Variants in STAG1 observed in about 807,000 individuals in gnomAD.
The protein encoded by STAG1 is STAG1 cohesin complex component.
In STAG1, 26 loss-of-function variants were observed where a neutral mutation model predicts 170.9. The ratio of observed to expected loss-of-function variants is 0.15; its 90% CI spans 0.11 to 0.21. The LOEUF (loss-of-function observed/expected upper bound fraction) is 0.21. Among genes scored for constraint, STAG1 ranks in the 10% least tolerant of loss-of-function variants. The pLI, the probability that STAG1 is intolerant of heterozygous loss-of-function variation, is 1.00. For synonymous variants in STAG1, 514 were observed against 497.7 expected, an observed-to-expected ratio of 1.03 and a Z score of -0.44; for missense variants, 964 against 1,509.5, an observed-to-expected ratio of 0.64 and a Z score of 5.99.
At chr3:136,500,178 T>A in intron 9 of STAG1, 45 bp downstream of exon 9, 1 of 1,243,138 alleles carries the variant, frequency 8.0e-7, no homozygotes, top group Middle Eastern at 2.0e-4. Flanking sequence ...AAATCAATAA[T>A]TGTTTAAGTG....
At chr3:136,464,852 G>T in intron 13 of STAG1, 29 bp downstream of exon 13, 2 of 1,557,236 alleles carry the variant, frequency 1.3e-6, no homozygotes, top group Non-Finnish European at 1.8e-6. Context: ...TAGAAAAGTA[G>T]AACCGGTTTT....
intron 1 of STAG1, among the ~76,000 whole-genome samples, chr3:136,632,503 T>C (rs952242070): frequency 1.3e-5 from 2 of 152,108 alleles, no homozygotes; most frequent in African/African-American, 4.8e-5. Flanking sequence ...ATGATAGCTG[T>C]GCATTTTGAA....
intron 22 of STAG1, among the ~76,000 whole-genome samples, chr3:136,378,992 T>A (rs775676240): frequency 6.6e-6 from 1 of 152,206 alleles, no homozygotes; most frequent in Non-Finnish European, 1.5e-5. Flanking sequence ...TTGGGGATCT[T>A]TACATCCCAA....
chr3:136,457,144 G>A (rs1239974372), intron 13 of STAG1, among the ~76,000 whole-genome samples: 1 of 152,054 alleles, frequency 6.6e-6, no homozygotes, highest in Non-Finnish European at 1.5e-5. Flanking sequence ...CATGGCCTTT[G>A]GAACAGCAAA....
chr3:136,390,466 C>A (rs2086978205), intron 22 of STAG1, among the ~76,000 whole-genome samples: 1 of 152,240 alleles, frequency 6.6e-6, no homozygotes, highest in South Asian at 2.1e-4. Flanking sequence ...TCTAGACCAG[C>A]CAATCAGGCA....
intron 21 of STAG1, among the ~76,000 whole-genome samples, chr3:136,411,829 C>T (rs1480479339): frequency 6.6e-6 from 1 of 151,802 alleles, no homozygotes; most frequent in Non-Finnish European, 1.5e-5. Context: ...GCCTGTAATC[C>T]CAGCTACTTG....
At chr3:136,385,864 G>A (rs923592053) in intron 22 of STAG1, among the ~76,000 whole-genome samples, 1 of 151,866 alleles carries the variant, frequency 6.6e-6, no homozygotes, top group Non-Finnish European at 1.5e-5. Flanking sequence ...ACCACACCTG[G>A]GCTAATTTTA....
intron 1 of STAG1, among the ~76,000 whole-genome samples, chr3:136,748,993 G>A (rs374811421): frequency 1.3e-5 from 2 of 152,162 alleles, no homozygotes; most frequent in African/African-American, 4.8e-5. Context: ...CTCCTTGTAT[G>A]TCCGGAATCT....
In STAG1 at chr3:136,737,608, C is replaced by T. The variant is rs183985334; in HGVS notation, c.-84+14587G>A. Among the ~76,000 whole-genome samples, 5 of 152,304 alleles carry T rather than the reference C, an allele frequency of 3.3e-5. No homozygotes were observed. In the East Asian group the frequency reaches 7.7e-4, roughly 23 times the overall value. On this transcript the variant is annotated intron_variant, in intron 1 of 33. Transcript: ENST00000383202. ...GCCTTTTTCACCATACTACCTCTTG[C>T]TTCCTGGCTTTCAGTTAATGATACC... is the stretch of plus-strand genomic sequence containing the variant.
intron 1 of STAG1, among the ~76,000 whole-genome samples, chr3:136,721,182 C>CA: frequency 6.6e-6 from 1 of 151,688 alleles, no homozygotes; most frequent in Non-Finnish European, 1.5e-5. Context: ...AGAAAGTCTT[C>CA]AAAAAAGATA....
At chr3:136,514,062 G>C (rs1695351472) in intron 7 of STAG1, among the ~76,000 whole-genome samples, 1 of 152,086 alleles carries the variant, frequency 6.6e-6, no homozygotes, top group South Asian at 2.1e-4. Flanking sequence ...CCATTATAGA[G>C]AATTTTTATT....
At position 136,716,088 on chromosome 3, in the gene STAG1, A is replaced by C. The variant is rs955173825; in HGVS notation, c.-84+36107T>G. 2.9e-4 allele frequency among the ~76,000 whole-genome samples: 44 copies of C among 152,096 alleles called. 1 individual carries two copies. Among genetic ancestry groups the C allele is most frequent in the African/African-American group, 1.0e-3 (43 of 41,492 alleles). Reference sequence around the variant, plus strand: ...ACTCCAGTGTGGGCGACACAGAGAGACTTCATCTCAAAAAATAATAATAAA... The same window carrying C: ...ACTCCAGTGTGGGCGACACAGAGAGCCTTCATCTCAAAAAATAATAATAAA... On this transcript the variant is annotated intron_variant, in intron 1 of 33. Coordinates refer to ENST00000383202, the MANE Select transcript of STAG1 (RefSeq NM_005862.3).
At position 136,464,863 on chromosome 3, in the gene STAG1, C is replaced by T. The variant is rs148159636; in HGVS notation, c.1313+18G>A. On this transcript the variant is annotated intron_variant, in intron 13 of 33. Coordinates refer to ENST00000383202, the MANE Select transcript of STAG1 (RefSeq NM_005862.3). ...AACATAGAAAAGTAGAACCGGTTTT[C>T]AAAGATAATTAGCTCACTTTTTGTG... The T allele has an allele frequency of 1.7e-4, 272 of 1,598,438 alleles. 2 individuals carry two copies. In the African/African-American group the frequency reaches 3.3e-3, roughly 19 times the overall value.
intron 4 of STAG1, 84 bp downstream of exon 4, chr3:136,604,225 A>G: frequency 8.2e-7 from 1 of 1,226,974 alleles, no homozygotes. Context: ...AGAAGTATAT[A>G]AAGTGCCAAT....
chr3:136,724,627 A>C (rs957156220), intron 1 of STAG1, among the ~76,000 whole-genome samples: 1 of 150,462 alleles, frequency 6.6e-6, no homozygotes, highest in African/African-American at 2.4e-5. Context: ...AAGATTGGAG[A>C]GCATGAATAC....
At chr3:136,478,168 T>C (rs2107823269) in intron 9 of STAG1, among the ~76,000 whole-genome samples, 1 of 152,322 alleles carries the variant, frequency 6.6e-6, no homozygotes, top group South Asian at 2.1e-4. Flanking sequence ...GCACAGGTCT[T>C]TCATCTGTAA....
At chr3:136,486,981 G>T (rs1409306371) in intron 9 of STAG1, among the ~76,000 whole-genome samples, 1 of 108,838 alleles carries the variant, frequency 9.2e-6, no homozygotes, top group African/African-American at 4.0e-5. Flanking sequence ...ATGCAATGCC[G>T]ATTTTTTTTT....
chr3:136,673,803 A>G (rs187736269), intron 1 of STAG1, among the ~76,000 whole-genome samples: 2 of 152,210 alleles, frequency 1.3e-5, no homozygotes, highest in East Asian at 3.9e-4. Context: ...AATTGATTAT[A>G]GAAAATATAA....
At chr3:136,679,753 T>TGGTGGTGCACGC (rs1942271101) in intron 1 of STAG1, among the ~76,000 whole-genome samples, 1 of 117,990 alleles carries the variant, frequency 8.5e-6, no homozygotes, top group South Asian at 2.7e-4. Flanking sequence ...AAAAAAAAAA[T>TGGTGGTGCACGC]CAGCCGGGCA....
Sources: gnomAD v4.1 joint callset for allele counts (sites outside exome capture counted in the v4.1 genomes callset) on GRCh38, gnomAD v4.1.1 for gene constraint, MANE v1.5 for transcripts, NCBI Gene and HGNC (gene_info 2026-07-23, HGNC 2026-07-21) for gene names.